PPIL2: variants seen among roughly 807,000 people sequenced by gnomAD.
PPIL2 encodes the protein RING-type E3 ubiquitin-protein ligase PPIL2.
Under a neutral mutation model 75.2 loss-of-function variants are expected in PPIL2, and 50 were observed. That is an observed-to-expected ratio of 0.66 (90% CI 0.53 to 0.84). The LOEUF is 0.84. PPIL2 is among the 40% of genes least tolerant of loss of function. PPIL2 has a pLI of 0.00. For missense variants in PPIL2, 590 were observed against 685.0 expected, an observed-to-expected ratio of 0.86 and a Z score of 1.55; for synonymous variants, 245 against 258.8, an observed-to-expected ratio of 0.95 and a Z score of 0.51.
chr22:21,689,708 A>T (rs2067539460), intron 15 of PPIL2, among the ~76,000 whole-genome samples: 1 of 152,142 alleles, frequency 6.6e-6, no homozygotes, highest in Non-Finnish European at 1.5e-5. Flanking sequence ...CTGATGGGGG[A>T]GGAGGATGTG....
In PPIL2 at chr22:21,684,292, A is replaced by G. The variant is rs529868899; in HGVS notation, c.554-461A>G. On this transcript the variant is annotated intron_variant, in intron 9 of 19. Coordinates refer to ENST00000398831, the MANE Select transcript of PPIL2 (RefSeq NM_014337.4). ...CGGATCACGAGGTTACAAGATTGTA[A>G]CACAAAAAAATTAGCCGGGCGTGGT... 1.9e-4 allele frequency among the ~76,000 whole-genome samples: 24 copies of G among 125,572 alleles called. 1 individual carries two copies. Among genetic ancestry groups the G allele is most frequent in the Non-Finnish European group, 3.7e-4 (22 of 59,028 alleles). The allele number at this position is 125,572 out of a possible 152,430, so 82.4% of individuals were successfully genotyped here.
downstream of PPIL2, chr22:21,698,202 T>G (rs533140889): frequency 6.7e-6 from 1 of 150,078 alleles, no homozygotes; most frequent in Non-Finnish European, 1.5e-5. Flanking sequence ...AAAAATGAGC[T>G]TGTATTTTGC....
In PPIL2 at chr22:21,696,449, T is replaced by C; in HGVS notation, c.*959T>C. The C allele has an allele frequency of 8.3e-7, 1 of 1,198,168 alleles. No homozygotes were observed. Among genetic ancestry groups the C allele is most frequent in the Non-Finnish European group, 1.1e-6 (1 of 952,354 alleles). 74.2% of individuals were successfully genotyped at this position (1,198,168 alleles called of 1,614,324 possible). A position where few individuals can be genotyped will look rare whatever the true frequency, so the allele number is the denominator to read the frequency against. On this transcript the variant is annotated 3_prime_UTR_variant, in exon 20 of 20. Transcript: ENST00000398831. ...CTGGGCTCCAAGACTCTGCTCCTCC[T>C]GTCAGTCACTGACTCTGATGGCCTT...
intron 6 of PPIL2, among the ~76,000 whole-genome samples, chr22:21,678,596 C>T (rs2599424): frequency 0.24 from 36,018 of 152,164 alleles, 4,375 homozygotes; most frequent in Middle Eastern, 0.31. Flanking sequence ...TACGCCTCCC[C>T]TGTGCCCATC....
intron 10 of PPIL2, 55 bp from the exon 11 acceptor site, chr22:21,686,428 C>A: frequency 6.5e-7 from 1 of 1,545,840 alleles, no homozygotes; most frequent in Non-Finnish European, 8.9e-7. Context: ...CGACACGTCC[C>A]CACCCAACTG....
rs1481178079 is a variant in PPIL2 at position 21,669,898 on chromosome 22, T to C, written c.33-15T>C. The C allele has an allele frequency of 3.1e-6, 5 of 1,612,364 alleles. No homozygotes were observed. Among genetic ancestry groups the C allele is most frequent in the Non-Finnish European group, 4.2e-6 (5 of 1,178,464 alleles). On this transcript the variant is annotated splice_polypyrimidine_tract_variant and intron_variant, in intron 1 of 19. Transcript: ENST00000398831. ...AAAGGTGGTGGTGGTAGCATTATCTTCCTCTCTTCTTCAGGTACATTACCT... is the reference window on the plus strand; with the variant it reads ...AAAGGTGGTGGTGGTAGCATTATCTCCCTCTCTTCTTCAGGTACATTACCT...
At chr22:21,673,822 G>T (rs1240251422) in intron 5 of PPIL2, among the ~76,000 whole-genome samples, 3 of 152,210 alleles carry the variant, frequency 2.0e-5, no homozygotes, top group African/African-American at 7.2e-5. Flanking sequence ...GCTGGCCCAT[G>T]TGACTTTTGG....
intron 5 of PPIL2, 147 bp from the exon 6 acceptor site, chr22:21,674,917 C>A: frequency 1.5e-6 from 1 of 674,292 alleles, no homozygotes; most frequent in Non-Finnish European, 2.5e-6. Flanking sequence ...CCGTGAGGTC[C>A]TTGCAGGGTC....
intron 18 of PPIL2, 36 bp downstream of exon 18, chr22:21,694,853 G>C (rs759838310): frequency 5.0e-6 from 8 of 1,590,810 alleles, no homozygotes; most frequent in Non-Finnish European, 6.9e-6. Flanking sequence ...AGGAGGGTCT[G>C]GGCTAGTGCA....
intron 5 of PPIL2, among the ~76,000 whole-genome samples, chr22:21,672,866 C>T (rs923835335): frequency 1.3e-5 from 2 of 152,202 alleles, no homozygotes; most frequent in African/African-American, 2.4e-5. Context: ...GTCGGGACTC[C>T]GGTGGGCTCC....
At chr22:21,694,258 G>A (rs937214332) in intron 16 of PPIL2, among the ~76,000 whole-genome samples, 3 of 152,148 alleles carry the variant, frequency 2.0e-5, no homozygotes, top group African/African-American at 7.2e-5. Context: ...CACGAAACAG[G>A]GTGGACGCAG....
intron 9 of PPIL2, 143 bp from the exon 10 acceptor site, chr22:21,684,610 C>T (rs1233150803): frequency 2.0e-6 from 2 of 999,084 alleles, no homozygotes; most frequent in South Asian, 1.7e-5. Context: ...TAGCGGGGCA[C>T]TGTGGCATTC....
At chr22:21,681,438 C>A in intron 7 of PPIL2, 48 bp downstream of exon 7, 2 of 1,502,932 alleles carry the variant, frequency 1.3e-6, no homozygotes, top group Non-Finnish European at 1.9e-6. Context: ...GAGATCTCTG[C>A]TGTGTGTTCC....
Position 21,688,864 on chromosome 22 carries a change from C to T in PPIL2, c.1139+15C>T. 1 of 1,611,432 alleles carries T rather than the reference C, an allele frequency of 6.2e-7. No individual in the cohort carries two copies. Reference sequence around the variant, plus strand: ...AGGTCTCAATTGTGAGTCAGCTGGGCTTGCTGGGGTGGCCTGGGAGGTGAG... The same window carrying T: ...AGGTCTCAATTGTGAGTCAGCTGGGTTTGCTGGGGTGGCCTGGGAGGTGAG... On this transcript the variant is annotated intron_variant, in intron 15 of 19. Coordinates refer to ENST00000398831, the MANE Select transcript of PPIL2 (RefSeq NM_014337.4).
intron 5 of PPIL2, 137 bp from the exon 6 acceptor site, chr22:21,674,927 C>T: frequency 2.7e-6 from 2 of 753,116 alleles, no homozygotes; most frequent in South Asian, 3.4e-5. Flanking sequence ...CTTGCAGGGT[C>T]TTGGGGCCTT....
chr22:21,682,784 C>T (rs1033166317), intron 8 of PPIL2, among the ~76,000 whole-genome samples: 1 of 152,246 alleles, frequency 6.6e-6, no homozygotes, highest in Non-Finnish European at 1.5e-5. Context: ...TAATGAAAAA[C>T]ACTGACTTAG....
At chr22:21,694,452 T>C in intron 16 of PPIL2, 141 bp from the exon 17 acceptor site, 1 of 861,544 alleles carries the variant, frequency 1.2e-6, no homozygotes, top group Non-Finnish European at 1.8e-6. Context: ...CCACTCCCTC[T>C]CATCGCCTTC....
intron 8 of PPIL2, 117 bp downstream of exon 8, chr22:21,682,643 A>G: frequency 1.8e-6 from 1 of 554,962 alleles, no homozygotes; most frequent in Non-Finnish European, 2.7e-6. Context: ...AAGCCACCTG[A>G]GGCATCTGAA....
rs753433018 is a variant in PPIL2 at position 21,668,422 on chromosome 22, C to G, written c.33-1491C>G. Among the ~76,000 whole-genome samples the G allele has an allele frequency of 4.6e-5, 7 of 151,200 alleles. No individual in the cohort carries two copies. The East Asian group carries it at 1.2e-3, about 27-fold the overall frequency. On this transcript the variant is annotated intron_variant, in intron 1 of 19. Coordinates refer to ENST00000398831, the MANE Select transcript of PPIL2 (RefSeq NM_014337.4). ...CGGGTGGATCACCAGGTCAGGAGAT[C>G]GAGACCATCCTGGCTAACACGGTGA...
Sources: gnomAD v4.1 joint callset for allele counts (sites outside exome capture counted in the v4.1 genomes callset) on GRCh38, gnomAD v4.1.1 for gene constraint, MANE v1.5 for transcripts, NCBI Gene and HGNC (gene_info 2026-07-23, HGNC 2026-07-21) for gene names.